TFB2M: variants seen among roughly 807,000 people sequenced by gnomAD.
The protein encoded by TFB2M is dimethyladenosine transferase 2, mitochondrial.
TFB2M carries 44 observed loss-of-function variants against 41.3 expected under a neutral mutation model. The observed-to-expected ratio is 1.07, with a 90% CI of 0.84 to 1.37. The LOEUF (loss-of-function observed/expected upper bound fraction) is 1.37. Ranked by LOEUF, TFB2M falls within the 40% of genes most tolerant of loss-of-function variation. The pLI is 0.00. For missense variants in TFB2M, 496 were observed against 490.2 expected (o/e 1.01, Z -0.11); for synonymous variants, 188 against 176.8 (o/e 1.06, Z -0.50).
chr1:246,564,067 A>G (rs1432781499), intron 2 of TFB2M, among the ~76,000 whole-genome samples: 1 of 152,232 alleles, frequency 6.6e-6, no homozygotes, highest in Non-Finnish European at 1.5e-5. Flanking sequence ...ATGGGGAAAC[A>G]AGCCTAGGGA....
intron 2 of TFB2M, among the ~76,000 whole-genome samples, chr1:246,561,184 T>C (rs1440519794): frequency 6.6e-6 from 1 of 152,222 alleles, no homozygotes; most frequent in Non-Finnish European, 1.5e-5. Context: ...TGAATGGCTT[T>C]TCAATTTATC....
rs1486833561 is a variant in TFB2M at position 246,556,558 on chromosome 1, T to G, written c.705+15A>C. 1 of 1,451,080 alleles carries G rather than the reference T, an allele frequency of 6.9e-7. No homozygotes were observed. Among genetic ancestry groups the G allele is most frequent in the South Asian group, 1.5e-5 (1 of 68,278 alleles). The allele number at this position is 1,451,080 out of a possible 1,614,324, so 89.9% of individuals were successfully genotyped here. The stretch of plus-strand genomic sequence containing the variant: ...CAGACTCAGAACAAAAAATAGGTAT[T>G]TGTTAATAACATACCTGGAATTCTT... On this transcript the variant is annotated intron_variant, in intron 4 of 7. Transcript: ENST00000366514.
At position 246,557,546 on chromosome 1, in the gene TFB2M, C is replaced by A; in HGVS notation, c.403-12G>T. ...TTTTTTCCTAAGGACTAAAGAGAGA[C>A]AAAGATAACACGTTAAAAATTTTCA... On this transcript the variant is annotated splice_polypyrimidine_tract_variant and intron_variant, in intron 2 of 7. Coordinates refer to ENST00000366514, the MANE Select transcript of TFB2M (RefSeq NM_022366.3). 6.4e-7 allele frequency: 1 copy of A among 1,571,102 alleles called. No homozygotes were observed. The highest frequency in any genetic ancestry group is 8.6e-7 in the Non-Finnish European group (1 of 1,161,994).
At chr1:246,544,372 C>A in intron 7 of TFB2M, 149 bp downstream of exon 7, 1 of 692,646 alleles carries the variant, frequency 1.4e-6, no homozygotes, top group Non-Finnish European at 2.4e-6. Context: ...TCAAAATGTA[C>A]ACCAGGGAGA....
At chr1:246,564,281 T>C (rs1659531269) in intron 2 of TFB2M, 65 bp downstream of exon 2, 2 of 1,416,240 alleles carry the variant, frequency 1.4e-6, no homozygotes, top group Non-Finnish European at 2.0e-6. Context: ...CTTAATTCCA[T>C]TTCCTTAAAC....
Position 246,566,157 on chromosome 1 carries a change from C to A in TFB2M, c.-19G>T. The A allele has an allele frequency of 6.3e-7, 1 of 1,594,816 alleles. No homozygotes were observed. Among genetic ancestry groups the A allele is most frequent in the Non-Finnish European group, 8.6e-7 (1 of 1,166,700 alleles). ...TCCACATGTCCTTGTCTCTCAGGCC[C>A]GCTCCAAGAATCACCTAGTGCAGCT... On this transcript the variant is annotated 5_prime_UTR_variant, in exon 1 of 8. Transcript: ENST00000366514.
At position 246,566,205 on chromosome 1, in the gene TFB2M, G is replaced by T. The variant is rs570439720; in HGVS notation, c.-67C>A. 11 of 1,494,934 alleles carry T rather than the reference G, an allele frequency of 7.4e-6. No individual in the cohort carries two copies. The South Asian group carries it at 7.6e-5, about 10-fold the overall frequency. 92.6% of individuals were successfully genotyped at this position (1,494,934 alleles called of 1,614,324 possible). A position where few individuals can be genotyped will look rare whatever the true frequency, so the allele number is the denominator to read the frequency against. On this transcript the variant is annotated 5_prime_UTR_variant, in exon 1 of 8. An upstream open reading frame in the 5' UTR gains an earlier in-frame stop. Coordinates refer to ENST00000366514, the MANE Select transcript of TFB2M (RefSeq NM_022366.3). ...GCTACTACAGTGAACCCCACGCAGG[G>T]TATCCCACGTGGAACATTTTCTGGC...
intron 7 of TFB2M, among the ~76,000 whole-genome samples, chr1:246,542,528 CTGGGCATAGTGG>C (rs1051821032): frequency 1.3e-4 from 20 of 151,814 alleles, no homozygotes; most frequent in African/African-American, 4.6e-4. Flanking sequence ...AAAAAGTTAG[CTGGGCATAGTGG>C]TGGGCATAGT....
intron 1 of TFB2M, 48 bp from the exon 2 acceptor site, chr1:246,564,482 C>A: frequency 2.0e-6 from 3 of 1,537,494 alleles, no homozygotes; most frequent in African/African-American, 1.4e-5. Context: ...GAAACATAAT[C>A]TCTTTCAATA....
chr1:246,565,960 G>T lies in TFB2M; in HGVS notation c.179C>A (p.Pro60Gln). 1.9e-6 allele frequency: 3 copies of T among 1,614,182 alleles called. No individual in the cohort carries two copies. In the Admixed American group the frequency reaches 5.0e-5, roughly 27 times the overall value. ...GCTGGCCTTAGACGCCTTCCTTGGC[G>T]GATTCCTGAAATCCGGTTCGGGCCA... ...QLWPEPDFRN[P>Q]PRKASKASLD... The change falls in exon 1 of 8, where the codon CCG becomes CAG. Residue 60 changes from proline (P) to glutamine (Q), a missense_variant. Coordinates refer to ENST00000366514, the MANE Select transcript of TFB2M (RefSeq NM_022366.3).
intron 6 of TFB2M, 32 bp downstream of exon 6, chr1:246,548,513 A>C: frequency 1.3e-6 from 2 of 1,559,644 alleles, no homozygotes; most frequent in Non-Finnish European, 8.7e-7. Context: ...TCACGTAGGG[A>C]GAAAAAGGAA....
chr1:246,546,312 T>TAAAAAAAGAAAAA (rs57261732), intron 6 of TFB2M, among the ~76,000 whole-genome samples: 280 of 140,244 alleles, frequency 2.0e-3, no homozygotes, highest in Non-Finnish European at 3.4e-3. Context: ...CACTGTCTTT[T>TAAAAAAAGAAAAA]AAAAAAAGAA....
intron 1 of TFB2M, among the ~76,000 whole-genome samples, chr1:246,564,716 G>C (rs1659558276): frequency 6.8e-6 from 1 of 147,918 alleles, no homozygotes; most frequent in African/African-American, 2.5e-5. Flanking sequence ...GTCTCACTCT[G>C]TCACCCAGGC....
intron 5 of TFB2M, among the ~76,000 whole-genome samples, chr1:246,549,778 G>A (rs1438894930): frequency 1.3e-5 from 2 of 152,174 alleles, no homozygotes; most frequent in African/African-American, 2.4e-5. Flanking sequence ...GGGGCAATGA[G>A]AGTGGCTAAA....
intron 3 of TFB2M, 71 bp from the exon 4 acceptor site, chr1:246,556,792 A>T: frequency 1.6e-6 from 2 of 1,229,886 alleles, no homozygotes; most frequent in Non-Finnish European, 2.2e-6. Context: ...TATTTTTTTG[A>T]GACAAACTAA....
chr1:246,559,179 C>T (rs1659394916), intron 2 of TFB2M, among the ~76,000 whole-genome samples: 1 of 152,032 alleles, frequency 6.6e-6, no homozygotes, highest in South Asian at 2.1e-4. Context: ...CAACTCCTGG[C>T]CTTAAGTGAT....
chr1:246,547,083 A>G (rs886958163), intron 6 of TFB2M, among the ~76,000 whole-genome samples: 12 of 151,122 alleles, frequency 7.9e-5, no homozygotes, highest in Non-Finnish European at 1.6e-4. Flanking sequence ...TCCCAGGTTC[A>G]ACTGATTCTC....
chr1:246,545,047 C>T lies in TFB2M; in HGVS notation c.859-366G>A, dbSNP rs558826912. 2.2e-3 allele frequency among the ~76,000 whole-genome samples: 308 copies of T among 137,150 alleles called. 2 individuals carry two copies. Among genetic ancestry groups the T allele is most frequent in the African/African-American group, 5.8e-3 (227 of 38,962 alleles). 90.0% of individuals were successfully genotyped at this position (137,150 alleles called of 152,430 possible). ...GTCTCGATCTCCTGACCTCGTGATC[C>T]GCCCGCCTCGGCCTCCCCAAAGTGC... On this transcript the variant is annotated intron_variant, in intron 6 of 7. Transcript: ENST00000366514.
At chr1:246,565,691 AC>A in intron 1 of TFB2M, 134 bp downstream of exon 1, 2 of 1,005,338 alleles carry the variant, frequency 2.0e-6, no homozygotes, top group Non-Finnish European at 1.4e-6. Context: ...CAGCCTGGCA[AC>A]ACAGCGAGAC....
Sources: gnomAD v4.1 joint callset for allele counts (sites outside exome capture counted in the v4.1 genomes callset) on GRCh38, gnomAD v4.1.1 for gene constraint, MANE v1.5 for transcripts, NCBI Gene and HGNC (gene_info 2026-07-23, HGNC 2026-07-21) for gene names.